GREB1L: variants seen among roughly 807,000 people sequenced by gnomAD.
The protein encoded by GREB1L is GREB1-like protein.
In GREB1L, 17 loss-of-function variants were observed where a neutral mutation model predicts 200.8. The observed-to-expected ratio is 0.08, with a 90% CI of 0.06 to 0.13. GREB1L has a LOEUF of 0.13. Among genes scored for constraint, GREB1L ranks in the 10% least tolerant of loss-of-function variants. The probability of loss-of-function intolerance (pLI) is 1.00; values close to 1 mark genes in which losing one functional copy is unlikely to be tolerated. For missense variants in GREB1L, 1,657 were observed against 2,367.7 expected (o/e 0.70, Z 6.23); for synonymous variants, 789 against 893.0 (o/e 0.88, Z 2.08).
intron 1 of GREB1L, among the ~76,000 whole-genome samples, chr18:21,332,246 G>A (rs181691875): frequency 1.8e-4 from 28 of 152,274 alleles, no homozygotes; most frequent in African/African-American, 4.1e-4. Context: ...ATGGTGTAGG[G>A]TTATTTGCCT....
intron 7 of GREB1L, among the ~76,000 whole-genome samples, chr18:21,428,564 G>A (rs1293584950): frequency 6.6e-6 from 1 of 150,376 alleles, no homozygotes; most frequent in Non-Finnish European, 1.5e-5. Flanking sequence ...GAATAACAGC[G>A]ATAGATTTTC....
At chr18:21,498,127 C>A (rs1261495968) in intron 21 of GREB1L, among the ~76,000 whole-genome samples, 4 of 152,104 alleles carry the variant, frequency 2.6e-5, no homozygotes, top group Non-Finnish European at 4.4e-5. Flanking sequence ...CAGCCTCTCA[C>A]CCTTTTTTTG....
intron 1 of GREB1L, among the ~76,000 whole-genome samples, chr18:21,276,279 C>A (rs1157534010): frequency 6.6e-6 from 1 of 152,234 alleles, no homozygotes; most frequent in Non-Finnish European, 1.5e-5. Flanking sequence ...AAGACCCATT[C>A]TCTGACCTTC....
At chr18:21,328,659 C>T (rs2039061176) in intron 1 of GREB1L, among the ~76,000 whole-genome samples, 1 of 151,914 alleles carries the variant, frequency 6.6e-6, no homozygotes, top group African/African-American at 2.4e-5. Context: ...CTGATACGTG[C>T]ATGTGTGTGT....
At chr18:21,303,233 C>A (rs1275683753) in intron 1 of GREB1L, among the ~76,000 whole-genome samples, 1 of 152,164 alleles carries the variant, frequency 6.6e-6, no homozygotes, top group African/African-American at 2.4e-5. Flanking sequence ...ACATGGATAC[C>A]TTTAAGGTGA....
chr18:21,262,871 G>A (rs928255666), intron 1 of GREB1L, among the ~76,000 whole-genome samples: 6 of 152,098 alleles, frequency 3.9e-5, no homozygotes, highest in African/African-American at 1.4e-4. Flanking sequence ...TAATCATTTC[G>A]TCTGCTAAAA....
At chr18:21,242,599 C>T (rs1200834721) in intron 1 of GREB1L, among the ~76,000 whole-genome samples, 2 of 152,096 alleles carry the variant, frequency 1.3e-5, no homozygotes, top group African/African-American at 4.8e-5. Context: ...CGAGGGAGCG[C>T]CAGTGCCAAC....
At chr18:21,423,761 C>G (rs2032347939) in intron 7 of GREB1L, among the ~76,000 whole-genome samples, 1 of 152,108 alleles carries the variant, frequency 6.6e-6, no homozygotes, top group Admixed American at 6.5e-5. Context: ...ACATGGGAGG[C>G]TGAGGTAGGA....
At chr18:21,480,088 C>T (rs1790728696) in intron 17 of GREB1L, among the ~76,000 whole-genome samples, 2 of 152,160 alleles carry the variant, frequency 1.3e-5, no homozygotes, top group South Asian at 2.1e-4. Context: ...CGGTGGCTCA[C>T]GCCTGTAAAC....
intron 18 of GREB1L, among the ~76,000 whole-genome samples, chr18:21,488,456 G>A (rs1194025739): frequency 6.6e-6 from 1 of 152,130 alleles, no homozygotes; most frequent in African/African-American, 2.4e-5. Flanking sequence ...TGGACCACTT[G>A]TTGTATTTTA....
At chr18:21,453,396 T>C (rs1427525688) in intron 14 of GREB1L, among the ~76,000 whole-genome samples, 1 of 152,206 alleles carries the variant, frequency 6.6e-6, no homozygotes, top group African/African-American at 2.4e-5. Context: ...TCGGCTGCAT[T>C]TGATTTTAGA....
rs78492131 is a variant in GREB1L at position 21,389,333 on chromosome 18, GTT to G, written c.355+4947_355+4948del. On this transcript the variant is annotated intron_variant, in intron 4 of 32. Coordinates refer to ENST00000424526, the MANE Select transcript of GREB1L (RefSeq NM_001142966.3). Reference sequence around the variant, plus strand: ...ACAAACCCCCATCATTATGGGGTGGGTTTTTTTTTTTTTTTTTTCATCAAATA... The same window carrying G: ...ACAAACCCCCATCATTATGGGGTGGGTTTTTTTTTTTTTTTTCATCAAATA... 7.7e-3 allele frequency among the ~76,000 whole-genome samples: 740 copies of G among 95,656 alleles called. 11 individuals are homozygous for G. Among genetic ancestry groups the G allele is most frequent in the African/African-American group, 0.028 (708 of 25,230 alleles). 62.8% of individuals were successfully genotyped at this position (95,656 alleles called of 152,430 possible). A position where few individuals can be genotyped will look rare whatever the true frequency, so the allele number is the denominator to read the frequency against.
chr18:21,252,705 T>TA (rs1259200311), intron 1 of GREB1L, among the ~76,000 whole-genome samples: 1 of 150,492 alleles, frequency 6.6e-6, no homozygotes, highest in Non-Finnish European at 1.5e-5. Flanking sequence ...CTGTCTCTAC[T>TA]AAAAATACAA....
At chr18:21,395,293 C>A in intron 4 of GREB1L, 92 bp from the exon 5 acceptor site, 2 of 1,038,100 alleles carry the variant, frequency 1.9e-6, no homozygotes, top group Non-Finnish European at 2.9e-6. Context: ...AATAGTGATT[C>A]TCAAAAATAA....
At chr18:21,413,636 C>A (rs2031316596) in intron 7 of GREB1L, among the ~76,000 whole-genome samples, 1 of 152,124 alleles carries the variant, frequency 6.6e-6, no homozygotes, top group African/African-American at 2.4e-5. Flanking sequence ...ACTGCATTCC[C>A]AGAGCCTAAC....
At chr18:21,351,977 A>G (rs1218542216) in intron 1 of GREB1L, among the ~76,000 whole-genome samples, 1 of 152,014 alleles carries the variant, frequency 6.6e-6, no homozygotes, top group Non-Finnish European at 1.5e-5. Context: ...CCTCCTGAGT[A>G]GTTGGGATTA....
chr18:21,434,201 A>G (rs939754482), intron 7 of GREB1L, among the ~76,000 whole-genome samples: 2 of 152,138 alleles, frequency 1.3e-5, no homozygotes, highest in African/African-American at 4.8e-5. Flanking sequence ...GAGGCTGGGC[A>G]TGGTGGCTCA....
In GREB1L at chr18:21,446,596, T is replaced by A. The variant is rs1318014287; in HGVS notation, c.1393+2187T>A. 7.3e-3 allele frequency among the ~76,000 whole-genome samples: 1,118 copies of A among 152,328 alleles called. 17 individuals are homozygous for A. Among genetic ancestry groups the A allele is most frequent in the African/African-American group, 0.025 (1,055 of 41,584 alleles). ...GCTATTTCTCTTTTAAAACCTAAGC[T>A]TTGTACATTGAGACATCTCTATCCC... On this transcript the variant is annotated intron_variant, in intron 11 of 32. Transcript: ENST00000424526.
rs116574289 is a variant in GREB1L at position 21,377,837 on chromosome 18, G to A, written c.-9-5673G>A. Reference sequence around the variant, plus strand: ...AGGCAGGAGAGTCACTTGAACCCAGGAGCGGGAGGTTGCAGTGAGCCGGGG... The same window carrying A: ...AGGCAGGAGAGTCACTTGAACCCAGAAGCGGGAGGTTGCAGTGAGCCGGGG... On this transcript the variant is annotated intron_variant, in intron 2 of 32. Transcript: ENST00000424526. Among the ~76,000 whole-genome samples the A allele has an allele frequency of 8.0e-3, 1,211 of 152,196 alleles. 20 individuals carry two copies. The highest frequency in any genetic ancestry group is 0.026 in the African/African-American group (1,098 of 41,524).
Sources: allele counts gnomAD v4.1 joint callset (sites outside exome capture counted in the v4.1 genomes callset), GRCh38; gene constraint gnomAD v4.1.1; transcripts MANE v1.5; gene names NCBI Gene and HGNC (gene_info 2026-07-23, HGNC 2026-07-21).